SPATS2L: variants seen among roughly 807,000 people sequenced by gnomAD.
SPATS2L encodes SPATS2-like protein.
A neutral mutation model predicts 59.6 loss-of-function variants in SPATS2L; 30 were observed. The ratio of observed to expected loss-of-function variants is 0.50; its 90% CI spans 0.38 to 0.68. SPATS2L has a LOEUF of 0.68. SPATS2L is among the 30% of genes least tolerant of loss of function. The probability of loss-of-function intolerance (pLI) is 0.00; values close to 1 mark genes in which losing one functional copy is unlikely to be tolerated. For synonymous variants in SPATS2L, 252 were observed against 263.5 expected, an observed-to-expected ratio of 0.96 and a Z score of 0.42; for missense variants, 615 against 700.0, an observed-to-expected ratio of 0.88 and a Z score of 1.37.
At chr2:200,403,342 G>A (rs1401296764) in intron 3 of SPATS2L, among the ~76,000 whole-genome samples, 1 of 152,180 alleles carries the variant, frequency 6.6e-6, no homozygotes, top group African/African-American at 2.4e-5. Context: ...AAAAATTGCA[G>A]AAGAGCACGT....
intron 8 of SPATS2L, among the ~76,000 whole-genome samples, chr2:200,452,781 A>T (rs955632150): frequency 2.0e-5 from 3 of 152,062 alleles, no homozygotes; most frequent in Admixed American, 1.3e-4. Flanking sequence ...TTATGTGCTA[A>T]CCCCAGTCTA....
intron 1 of SPATS2L, among the ~76,000 whole-genome samples, chr2:200,307,478 C>T (rs1464902807): frequency 6.6e-6 from 1 of 152,008 alleles, no homozygotes; most frequent in Non-Finnish European, 1.5e-5. Flanking sequence ...GAGTGGGATG[C>T]GTTGGCGTCC....
At chr2:200,425,752 G>A (rs1486629989) in intron 6 of SPATS2L, among the ~76,000 whole-genome samples, 1 of 152,154 alleles carries the variant, frequency 6.6e-6, no homozygotes, top group Non-Finnish European at 1.5e-5. Context: ...TTGCTCTTGG[G>A]GAGTTTACGT....
chr2:200,460,882 T>C (rs759462536), intron 9 of SPATS2L: 1 of 151,610 alleles, frequency 6.6e-6, no homozygotes. Flanking sequence ...GCACAATCTC[T>C]GCTCACTGCA....
intron 1 of SPATS2L, among the ~76,000 whole-genome samples, chr2:200,324,811 C>G (rs2079680813): frequency 6.6e-6 from 1 of 152,180 alleles, no homozygotes; most frequent in South Asian, 2.1e-4. Context: ...CAGCAGAGCA[C>G]AATTTCAATA....
At chr2:200,370,448 T>A (rs1467966819) in intron 2 of SPATS2L, among the ~76,000 whole-genome samples, 1 of 152,194 alleles carries the variant, frequency 6.6e-6, no homozygotes, top group African/African-American at 2.4e-5. Context: ...GATTCACAAC[T>A]AGGTTTGCAT....
chr2:200,444,203 A>G (rs2084884416), intron 8 of SPATS2L, among the ~76,000 whole-genome samples: 1 of 152,202 alleles, frequency 6.6e-6, no homozygotes, highest in Non-Finnish European at 1.5e-5. Flanking sequence ...TTGGAATCAT[A>G]GCTGCCAGAT....
intron 11 of SPATS2L, among the ~76,000 whole-genome samples, chr2:200,471,004 G>A (rs2083118): frequency 0.91 from 137,828 of 151,946 alleles, 63,314 homozygotes; most frequent in South Asian, 0.98. Context: ...TACTAAAAGT[G>A]CAAAAATTAG....
chr2:200,449,045 C>T (rs191016857), intron 8 of SPATS2L, among the ~76,000 whole-genome samples: 22 of 152,328 alleles, frequency 1.4e-4, no homozygotes, highest in East Asian at 1.9e-4. Flanking sequence ...GTTCCCATAA[C>T]TTTGTGACTA....
At chr2:200,365,141 G>C (rs1203250505) in intron 2 of SPATS2L, among the ~76,000 whole-genome samples, 1 of 152,140 alleles carries the variant, frequency 6.6e-6, no homozygotes, top group Non-Finnish European at 1.5e-5. Flanking sequence ...CATTATCACA[G>C]GACAAGAAAC....
chr2:200,319,582 A>G (rs1448185929), intron 1 of SPATS2L, among the ~76,000 whole-genome samples: 1 of 151,660 alleles, frequency 6.6e-6, no homozygotes, highest in Non-Finnish European at 1.5e-5. Context: ...AAAAAAAAAA[A>G]AAAAAAGCAT....
chr2:200,385,262 G>T (rs75988726), intron 2 of SPATS2L, among the ~76,000 whole-genome samples: 2,263 of 152,316 alleles, frequency 0.015, 59 homozygotes, highest in African/African-American at 0.052. Flanking sequence ...GAGGCTTCTT[G>T]GGCTTACCTA....
chr2:200,399,926 T>A (rs893813264), intron 3 of SPATS2L, among the ~76,000 whole-genome samples: 1 of 152,182 alleles, frequency 6.6e-6, no homozygotes, highest in Non-Finnish European at 1.5e-5. Context: ...ACCTTTATGG[T>A]ACTCTTTATC....
At chr2:200,393,339 A>G in intron 3 of SPATS2L, 1 of 456,754 alleles carries the variant, frequency 2.2e-6, no homozygotes, top group Non-Finnish European at 4.4e-6. Flanking sequence ...CCAATGAGGG[A>G]AAATAGGCTG....
intron 2 of SPATS2L, among the ~76,000 whole-genome samples, chr2:200,381,024 A>G (rs1034148487): frequency 6.6e-6 from 1 of 152,218 alleles, no homozygotes; most frequent in African/African-American, 2.4e-5. Context: ...AGTCATTACC[A>G]TGCCAGATAA....
chr2:200,461,244 T>G (rs1410773714), intron 9 of SPATS2L: 2 of 152,224 alleles, frequency 1.3e-5, no homozygotes, highest in African/African-American at 4.8e-5. Context: ...GATTGCTTAA[T>G]GTACCAAATT....
At chr2:200,316,138 C>T (rs946797812) in intron 1 of SPATS2L, among the ~76,000 whole-genome samples, 4 of 152,032 alleles carry the variant, frequency 2.6e-5, no homozygotes, top group African/African-American at 9.7e-5. Context: ...GGGGAACCCT[C>T]CTGGAAGAGG....
intron 9 of SPATS2L, among the ~76,000 whole-genome samples, chr2:200,462,982 A>G (rs1380501456): frequency 6.6e-6 from 1 of 152,094 alleles, no homozygotes; most frequent in African/African-American, 2.4e-5. Flanking sequence ...AGTTATTGTA[A>G]AGATAAAATG....
intron 2 of SPATS2L, among the ~76,000 whole-genome samples, chr2:200,368,672 G>A (rs943956568): frequency 2.0e-5 from 3 of 152,188 alleles, no homozygotes; most frequent in Non-Finnish European, 2.9e-5. Flanking sequence ...GGAGCAGATG[G>A]TGGATATAGC....
Sources: allele counts gnomAD v4.1 joint callset (sites outside exome capture counted in the v4.1 genomes callset), GRCh38; gene constraint gnomAD v4.1.1; transcripts MANE v1.5; gene names NCBI Gene and HGNC (gene_info 2026-07-23, HGNC 2026-07-21).